Variants in NUBPL observed in about 807,000 individuals in gnomAD.
NUBPL encodes NUBP iron-sulfur cluster assembly factor, mitochondrial.
In NUBPL, 31 loss-of-function variants were observed where a neutral mutation model predicts 45.7. The ratio of observed to expected loss-of-function variants is 0.68; its 90% confidence interval spans 0.51 to 0.92. The LOEUF is 0.92. NUBPL is among the 40% of genes least tolerant of loss of function. The pLI is 0.00. For synonymous variants in NUBPL, 144 were observed against 140.9 expected (o/e 1.02, Z -0.15); for missense variants, 401 against 398.7 (o/e 1.01, Z -0.05).
intron 3 of NUBPL, among the ~76,000 whole-genome samples, chr14:31,595,326 AAG>A (rs1418378273): frequency 6.6e-6 from 1 of 152,218 alleles, no homozygotes; most frequent in Non-Finnish European, 1.5e-5. Context: ...GAGTCAGAAA[AAG>A]AGTATATTGT....
chr14:31,660,157 G>C (rs543485231), intron 4 of NUBPL, among the ~76,000 whole-genome samples: 1 of 151,938 alleles, frequency 6.6e-6, no homozygotes, highest in South Asian at 2.1e-4. Context: ...TTATTTTATT[G>C]CCTTTTGGTT....
chr14:31,704,869 C>T (rs534562341), intron 6 of NUBPL, among the ~76,000 whole-genome samples: 53 of 151,942 alleles, frequency 3.5e-4, no homozygotes, highest in African/African-American at 1.2e-3. Context: ...AGAATGAAGC[C>T]GCGGACCCTT....
rs2038858791 is a variant in NUBPL at position 31,763,661 on chromosome 14, G to A, written c.514-24119G>A. 2.6e-5 allele frequency among the ~76,000 whole-genome samples: 4 copies of A among 152,240 alleles called. 1 individual carries two copies. Among genetic ancestry groups the A allele is most frequent in the South Asian group, 4.1e-4 (2 of 4,822 alleles). ...AATATTTCAGAATTACTGAGAGTAT[G>A]TCTTGTTTTCTGATGAAAAGTAGCT... is the stretch of plus-strand genomic sequence containing the variant. On this transcript the variant is annotated intron_variant, in intron 6 of 10. Transcript: ENST00000281081.
intron 6 of NUBPL, among the ~76,000 whole-genome samples, chr14:31,754,499 C>T (rs1375230205): frequency 6.8e-6 from 1 of 147,210 alleles, no homozygotes; most frequent in Non-Finnish European, 1.5e-5. Context: ...CCCAGTTTTT[C>T]AACAAATAAA....
At chr14:31,791,593 A>G (rs2039383547) in intron 7 of NUBPL, among the ~76,000 whole-genome samples, 1 of 152,182 alleles carries the variant, frequency 6.6e-6, no homozygotes, top group Non-Finnish European at 1.5e-5. Context: ...CCCCAGCTCT[A>G]AGAGATAGAG....
intron 4 of NUBPL, among the ~76,000 whole-genome samples, chr14:31,650,108 C>T (rs892068823): frequency 6.6e-6 from 1 of 152,116 alleles, no homozygotes; most frequent in Non-Finnish European, 1.5e-5. Context: ...ATCTGCCTGC[C>T]TCAGCCTCCC....
chr14:31,740,295 C>G (rs1442160510), intron 6 of NUBPL, among the ~76,000 whole-genome samples: 1 of 152,172 alleles, frequency 6.6e-6, no homozygotes, highest in Admixed American at 6.5e-5. Flanking sequence ...TCTTTTGCTC[C>G]ACATCCTCAC....
intron 6 of NUBPL, among the ~76,000 whole-genome samples, chr14:31,723,232 G>A (rs570607267): frequency 6.6e-6 from 1 of 152,078 alleles, no homozygotes; most frequent in South Asian, 2.1e-4. Flanking sequence ...TTGTCAGCTT[G>A]TCAAAGACCA....
intron 4 of NUBPL, among the ~76,000 whole-genome samples, chr14:31,640,922 A>G (rs565984676): frequency 3.3e-5 from 5 of 151,240 alleles, no homozygotes; most frequent in African/African-American, 1.2e-4. Context: ...TGATCTATTG[A>G]ATACCAGGTC....
Position 31,566,408 on chromosome 14 carries a change from C to T in NUBPL, c.291+1360C>T, listed in dbSNP as rs149876615. 8.5e-3 allele frequency among the ~76,000 whole-genome samples: 1,294 copies of T among 152,140 alleles called. 19 individuals are homozygous for T. The highest frequency in any genetic ancestry group is 0.03 in the African/African-American group (1,236 of 41,522). On this transcript the variant is annotated intron_variant, in intron 3 of 10. Transcript: ENST00000281081. ...ATGTAATTAAGTTTCTCTAAAGTTG[C>T]GCTTCTAGAAAGAGAAGATTCAAAT...
At chr14:31,650,624 A>G (rs1044257764) in intron 4 of NUBPL, among the ~76,000 whole-genome samples, 4 of 152,202 alleles carry the variant, frequency 2.6e-5, no homozygotes, top group African/African-American at 9.6e-5. Context: ...TACTGTCTCC[A>G]TACTTAATGT....
intron 6 of NUBPL, among the ~76,000 whole-genome samples, chr14:31,786,821 AAGC>A (rs2039293759): frequency 6.6e-6 from 1 of 152,238 alleles, no homozygotes; most frequent in Non-Finnish European, 1.5e-5. Context: ...TCTGGAGCTT[AAGC>A]TTAGATATTA....
At chr14:31,683,057 C>T (rs1364068953) in intron 6 of NUBPL, among the ~76,000 whole-genome samples, 1 of 130,552 alleles carries the variant, frequency 7.7e-6, no homozygotes, top group Admixed American at 8.4e-5. Context: ...CTTGTAGAAA[C>T]TAATAGAGTG....
intron 6 of NUBPL, among the ~76,000 whole-genome samples, chr14:31,702,632 C>T (rs1020928540): frequency 2.0e-5 from 3 of 152,174 alleles, no homozygotes; most frequent in African/African-American, 7.2e-5. Context: ...CTGAAACTTT[C>T]TAGTAATTAA....
At chr14:31,752,032 T>A (rs2038543249) in intron 6 of NUBPL, among the ~76,000 whole-genome samples, 1 of 152,180 alleles carries the variant, frequency 6.6e-6, no homozygotes, top group Non-Finnish European at 1.5e-5. Flanking sequence ...GGGTGCCATG[T>A]CCCAAGGCCC....
chr14:31,687,491 T>C (rs919449199), intron 6 of NUBPL, among the ~76,000 whole-genome samples: 11 of 152,238 alleles, frequency 7.2e-5, no homozygotes, highest in African/African-American at 2.7e-4. Context: ...TAAACAAATG[T>C]ACAGATGTAG....
chr14:31,581,700 C>T (rs112264479), intron 3 of NUBPL, among the ~76,000 whole-genome samples: 7 of 152,110 alleles, frequency 4.6e-5, no homozygotes, highest in South Asian at 2.1e-4. Flanking sequence ...AAATGTAAAA[C>T]GCGTGATAGA....
intron 6 of NUBPL, chr14:31,771,941 T>C: frequency 1.1e-6 from 1 of 917,358 alleles, no homozygotes; most frequent in Non-Finnish European, 1.3e-6. Context: ...TGCAGTATGC[T>C]AGTCTAACGC....
intron 4 of NUBPL, among the ~76,000 whole-genome samples, chr14:31,669,255 T>G (rs1311055335): frequency 6.6e-6 from 1 of 152,186 alleles, no homozygotes; most frequent in African/African-American, 2.4e-5. Flanking sequence ...CATAATTAAA[T>G]CAGGGTAATG....
Sources: allele counts gnomAD v4.1 joint callset (sites outside exome capture counted in the v4.1 genomes callset), GRCh38; gene constraint gnomAD v4.1.1; transcripts MANE v1.5; gene names NCBI Gene and HGNC (gene_info 2026-07-23, HGNC 2026-07-21).